Variants in TOX4 observed in about 807,000 individuals in gnomAD.
TOX4 encodes epidermal Langerhans cell protein LCP1.
TOX4 carries 12 observed loss-of-function variants against 61.0 expected under a neutral mutation model. The observed-to-expected ratio is 0.20, with a 90% CI of 0.13 to 0.32. TOX4 has a LOEUF of 0.32. Among genes scored for constraint, TOX4 ranks in the 10% least tolerant of loss-of-function variants. The probability of loss-of-function intolerance (pLI) is 1.00; values close to 1 mark genes in which losing one functional copy is unlikely to be tolerated. For missense variants in TOX4, 499 were observed against 753.3 expected, an observed-to-expected ratio of 0.66 and a Z score of 3.95; for synonymous variants, 268 against 274.8, an observed-to-expected ratio of 0.98 and a Z score of 0.24.
intron 2 of TOX4, chr14:21,482,677 T>G (rs6571850): frequency 0.64 from 276,108 of 430,394 alleles, 89,407 homozygotes; most frequent in East Asian, 0.7. Flanking sequence ...AATATTTGCT[T>G]CAGTTTTAGT....
Position 21,492,354 on chromosome 14 carries a change from A to G in TOX4, c.869A>G (p.Tyr290Cys). The G allele has an allele frequency of 6.2e-7, 1 of 1,614,146 alleles. No individual in the cohort carries two copies. The highest frequency in any genetic ancestry group is 2.2e-5 in the East Asian group (1 of 44,876). Residue 290 changes from tyrosine to cysteine, a missense_variant, in exon 6 of 9, where the codon TAC (tyrosine) becomes TGC (cysteine). Around this residue, in one of 7 missense-constraint regions of TOX4, gnomAD observed 296 missense variants for 404.7 expected, o/e 0.73. Transcript: ENST00000448790. ...GAGTATCTGAAGGCACTGGCTGCTT[A>G]CAAAGACAACCAGGAGTGTCAGGTA... ...KKEYLKALAAYKDNQECQATV... is the reference protein window; with the variant it reads ...KKEYLKALAACKDNQECQATV...
rs531928491 is a variant in TOX4, at chr14:21,489,873, G to A, written c.810+470G>A. ...TGGGATTACAGGCATGAGCCACTGC[G>A]CCCGGCCTATTTAAAAATTATTAAT... is the stretch of plus-strand genomic sequence containing the variant. On this transcript the variant is annotated intron_variant, in intron 5 of 8. Transcript: ENST00000448790. Among the ~76,000 whole-genome samples, 781 of 151,082 alleles carry A rather than the reference G, an allele frequency of 5.2e-3. 8 individuals are homozygous for A. Among genetic ancestry groups the A allele is most frequent in the African/African-American group, 0.017 (722 of 41,296 alleles).
chr14:21,484,766 C>T lies in TOX4; in HGVS notation c.76-2685C>T, dbSNP rs1182570565. Among the ~76,000 whole-genome samples the T allele has an allele frequency of 3.8e-5, 4 of 106,162 alleles. 1 individual carries two copies. Among genetic ancestry groups the T allele is most frequent in the Non-Finnish European group, 8.3e-5 (4 of 48,270 alleles). 69.6% of individuals were successfully genotyped at this position (106,162 alleles called of 152,430 possible). A position where few individuals can be genotyped will look rare whatever the true frequency, so the allele number is the denominator to read the frequency against. ...CTCTGACTCCTGAGTTCAAGTGATCCTCGTGCCTCAGCCTCTCGAGTAGCT... is the reference window on the plus strand; with the variant it reads ...CTCTGACTCCTGAGTTCAAGTGATCTTCGTGCCTCAGCCTCTCGAGTAGCT... On this transcript the variant is annotated intron_variant, in intron 2 of 8. Transcript: ENST00000448790.
At position 21,477,234 on chromosome 14, in the gene TOX4, G is replaced by T. The variant is rs773679563; in HGVS notation, c.-45G>T. The T allele has an allele frequency of 2.5e-6, 4 of 1,613,894 alleles. No individual in the cohort carries two copies. The highest frequency in any genetic ancestry group is 2.5e-6 in the Non-Finnish European group (3 of 1,179,846). On this transcript the variant is annotated 5_prime_UTR_variant, in exon 1 of 9. Coordinates refer to ENST00000448790, the MANE Select transcript of TOX4 (RefSeq NM_014828.4). ...GGCAGTTCCGAGTCCAGTGGGGGCGGTGGGAGCGATGAGGGTCTGAGACGG... is the reference window on the plus strand; with the variant it reads ...GGCAGTTCCGAGTCCAGTGGGGGCGTTGGGAGCGATGAGGGTCTGAGACGG...
At position 21,492,287 on chromosome 14, in the gene TOX4, T is replaced by C. The variant is rs1438988571; in HGVS notation, c.811-9T>C. On this transcript the variant is annotated splice_polypyrimidine_tract_variant and intron_variant, in intron 5 of 8. Coordinates refer to ENST00000448790, the MANE Select transcript of TOX4 (RefSeq NM_014828.4). ...TTTTGTTTTTTTTTTTAAAGTCTCT[T>C]TTTTGCAGGTATATAAGAGGAAAAC... 6.2e-7 allele frequency: 1 copy of C among 1,602,090 alleles called. No individual in the cohort carries two copies. The highest frequency in any genetic ancestry group is 1.8e-5 in the Admixed American group (1 of 56,998).
In TOX4 at chr14:21,493,058, G is replaced by A. The variant is rs115095768; in HGVS notation, c.1442G>A (p.Arg481Gln). 2.5e-6 allele frequency: 4 copies of A among 1,613,968 alleles called. No individual in the cohort carries two copies. The highest frequency in any genetic ancestry group is 2.2e-5 in the East Asian group (1 of 44,874). ...CAACAGCCTCCACCTCAGAAAGTTC[G>A]AATCAATTTACAGCAACAGCCTCCT... ...AMQQPPPQKV[R>Q]INLQQQPPPL... The change falls in exon 7 of 9, where the codon CGA (arginine) becomes CAA (glutamine). Residue 481 changes from arginine (R) to glutamine (Q), a missense_variant. Arg to Gln is a conservative substitution (Grantham distance 43). This residue lies in a region of TOX4 where 296 missense variants were observed against 404.7 expected (regional missense o/e 0.73). Coordinates refer to ENST00000448790, the MANE Select transcript of TOX4 (RefSeq NM_014828.4).
chr14:21,496,680 G>A lies in TOX4; in HGVS notation c.*74G>A. On this transcript the variant is annotated 3_prime_UTR_variant, in exon 9 of 9. Transcript: ENST00000448790. Reference sequence around the variant, plus strand: ...CCAAGAGCCTGTTTTTGAAACACAAGCTGGGCTTCTGGTAGTGCCTCATCA... The same window carrying A: ...CCAAGAGCCTGTTTTTGAAACACAAACTGGGCTTCTGGTAGTGCCTCATCA... The A allele has an allele frequency of 7.2e-7, 1 of 1,389,190 alleles. No individual in the cohort carries two copies. The highest frequency in any genetic ancestry group is 1.7e-5 in the Admixed American group (1 of 57,932). 86.1% of individuals were successfully genotyped at this position (1,389,190 alleles called of 1,614,324 possible).
intron 2 of TOX4, chr14:21,482,693 T>A (rs1891127095): frequency 2.4e-6 from 1 of 423,056 alleles, no homozygotes; most frequent in Admixed American, 3.1e-5. Flanking sequence ...TTAGTTTTGT[T>A]TTATATTTAA....
chr14:21,497,512 G>GTTTTT lies in TOX4; in HGVS notation c.*907_*908insTTTTT, dbSNP rs1891428086. The GTTTTT allele has an allele frequency of 1.1e-5, 1 of 90,648 alleles. No homozygotes were observed. Among genetic ancestry groups the GTTTTT allele is most frequent in the African/African-American group, 3.9e-5 (1 of 25,690 alleles). 5.6% of individuals were successfully genotyped at this position (90,648 alleles called of 1,614,324 possible). A position where few individuals can be genotyped will look rare whatever the true frequency, so the allele number is the denominator to read the frequency against. On this transcript the variant is annotated 3_prime_UTR_variant, in exon 9 of 9. Coordinates refer to ENST00000448790, the MANE Select transcript of TOX4 (RefSeq NM_014828.4). ...TATCCTATGCATTCCTGTTTTCTGT[G>GTTTTT]TGTTTTTTGTTTTTTTTTTTTTTTT...
At chr14:21,478,499 C>T (rs1324610909) in intron 2 of TOX4, among the ~76,000 whole-genome samples, 9 of 129,228 alleles carry the variant, frequency 7.0e-5, no homozygotes, top group Non-Finnish European at 1.4e-4. Context: ...TGATGAAACC[C>T]TGAAGTGTTC....
At chr14:21,493,779 C>G (rs1891344671) in intron 7 of TOX4, among the ~76,000 whole-genome samples, 1 of 150,526 alleles carries the variant, frequency 6.6e-6, no homozygotes, top group African/African-American at 2.5e-5. Context: ...GAGACGGAGT[C>G]TCGCTCTGTT....
rs959232604 is a variant in TOX4 at position 21,496,813 on chromosome 14, T to C, written c.*207T>C. The stretch of plus-strand genomic sequence containing the variant: ...TGTAATCTGGAGATGCTTTTTACTT[T>C]CAACCATAAGCGGTAATAGCAGAGG... On this transcript the variant is annotated 3_prime_UTR_variant, in exon 9 of 9. Transcript: ENST00000448790. The C allele has an allele frequency of 3.3e-5, 18 of 538,882 alleles. No homozygotes were observed. Among genetic ancestry groups the C allele is most frequent in the African/African-American group, 3.1e-4 (16 of 52,310 alleles). The allele number at this position is 538,882 out of a possible 1,614,324, so 33.4% of individuals were successfully genotyped here.
At chr14:21,496,376 A>G (rs1891402003) in intron 8 of TOX4, 170 bp from the exon 9 acceptor site, 1 of 541,876 alleles carries the variant, frequency 1.8e-6, no homozygotes, top group Non-Finnish European at 3.3e-6. Flanking sequence ...AAATACAAAA[A>G]ATTGGCCGGG....
At chr14:21,480,807 A>G (rs1704414064) in intron 2 of TOX4, among the ~76,000 whole-genome samples, 1 of 152,178 alleles carries the variant, frequency 6.6e-6, no homozygotes, top group African/African-American at 2.4e-5. Context: ...AAAGGAAGCA[A>G]AGGCCAGGCG....
chr14:21,477,410 T>C, intron 1 of TOX4, 86 bp from the exon 2 acceptor site: 1 of 1,609,736 alleles, frequency 6.2e-7, no homozygotes, highest in Non-Finnish European at 8.5e-7. Flanking sequence ...GGGAGTGTTG[T>C]CAGAATGTCA....
Position 21,492,899 on chromosome 14 carries a change from C to T in TOX4, c.1283C>T (p.Ala428Val), listed in dbSNP as rs1485929160. Reference sequence around the variant, plus strand: ...ACTCGGTCAGTGTTGCAGGCAGCAGCAGCTGCTGCTGCTGCTGCTTCTATG... The same window carrying T: ...ACTCGGTCAGTGTTGCAGGCAGCAGTAGCTGCTGCTGCTGCTGCTTCTATG... Reference protein sequence around the residue: ...IVTRSVLQAAAAAAAAASMQL... With the variant: ...IVTRSVLQAAVAAAAAASMQL... The change falls in exon 7 of 9, where the codon GCA becomes GTA. Residue 428 changes from alanine to valine, a missense_variant. Physicochemically the swap from Ala to Val is moderately conservative, Grantham distance 64 (BLOSUM62 0). Transcript: ENST00000448790. 2 of 1,605,658 alleles carry T rather than the reference C, an allele frequency of 1.2e-6. No homozygotes were observed. Among genetic ancestry groups the T allele is most frequent in the Non-Finnish European group, 1.7e-6 (2 of 1,177,974 alleles).
intron 8 of TOX4, 29 bp downstream of exon 8, chr14:21,495,421 T>G: frequency 6.3e-7 from 1 of 1,594,414 alleles, no homozygotes. Flanking sequence ...CTTTTATAAT[T>G]CAGCTACTGG....
Position 21,498,018 on chromosome 14 carries a change from T to A in TOX4, c.*1412T>A. 2.0e-6 allele frequency: 1 copy of A among 492,030 alleles called. No homozygotes were observed. Among genetic ancestry groups the A allele is most frequent in the South Asian group, 2.6e-5 (1 of 38,478 alleles). The allele number at this position is 492,030 out of a possible 1,614,324, so 30.5% of individuals were successfully genotyped here. On this transcript the variant is annotated 3_prime_UTR_variant, in exon 9 of 9. Coordinates refer to ENST00000448790, the MANE Select transcript of TOX4 (RefSeq NM_014828.4). ...ATTTTAATGTTTCCCATGCACTCAT[T>A]TAGTTTGAACCTTCACAGCAACCCA... is the stretch of plus-strand genomic sequence containing the variant.
chr14:21,477,676 A>C (rs927935526), intron 2 of TOX4, 112 bp downstream of exon 2: 6 of 1,220,746 alleles, frequency 4.9e-6, no homozygotes, highest in Non-Finnish European at 7.0e-6. Flanking sequence ...CAAGGGCCGC[A>C]ATTGGTGTTT....
Sources: gnomAD v4.1 joint callset for allele counts (sites outside exome capture counted in the v4.1 genomes callset) on GRCh38, gnomAD v4.1.1 for gene constraint, gnomAD v4.1.1 regional missense constraint, MANE v1.5 for transcripts, NCBI Gene and HGNC (gene_info 2026-07-23, HGNC 2026-07-21) for gene names.